CEP70: variants seen among roughly 807,000 people sequenced by gnomAD.
CEP70 encodes centrosomal protein of 70 kDa.
Under a neutral mutation model 90.9 loss-of-function variants are expected in CEP70, and 70 were observed. The observed-to-expected ratio is 0.77, with a 90% CI of 0.64 to 0.94. The LOEUF (loss-of-function observed/expected upper bound fraction) is 0.94. CEP70 is among the 40% of genes least tolerant of loss of function. The probability of loss-of-function intolerance (pLI) is 0.00; values close to 1 mark genes in which losing one functional copy is unlikely to be tolerated. For missense variants in CEP70, 648 were observed against 669.0 expected, an observed-to-expected ratio of 0.97 and a Z score of 0.35; for synonymous variants, 220 against 228.3, an observed-to-expected ratio of 0.96 and a Z score of 0.33.
At chr3:138,541,720 C>A (rs756218507) in intron 6 of CEP70, among the ~76,000 whole-genome samples, 11 of 152,140 alleles carry the variant, frequency 7.2e-5, no homozygotes, top group Non-Finnish European at 1.0e-4. Context: ...TACTAAAAGA[C>A]AAATCTACTT....
At chr3:138,550,049 A>C (rs886834510) in intron 6 of CEP70, among the ~76,000 whole-genome samples, 11 of 152,212 alleles carry the variant, frequency 7.2e-5, no homozygotes, top group Admixed American at 2.6e-4. Context: ...CCGTGGGACA[A>C]AAGAATCTGA....
At chr3:138,549,010 G>T (rs2039424662) in intron 6 of CEP70, among the ~76,000 whole-genome samples, 1 of 152,098 alleles carries the variant, frequency 6.6e-6, no homozygotes. Context: ...TTAGAGAGCT[G>T]AGCAAAATAA....
intron 6 of CEP70, among the ~76,000 whole-genome samples, chr3:138,540,432 C>A (rs961778965): frequency 1.3e-5 from 2 of 148,938 alleles, no homozygotes; most frequent in African/African-American, 2.5e-5. Context: ...TGCAGTGAGC[C>A]GAGACCACAC....
At chr3:138,570,547 G>A (rs772822197) in intron 5 of CEP70, 49 bp from the exon 6 acceptor site, 62 of 1,401,764 alleles carry the variant, frequency 4.4e-5, no homozygotes, top group Middle Eastern at 1.8e-4. Context: ...AAAATAAATC[G>A]AATTACCAAG....
intron 2 of CEP70, among the ~76,000 whole-genome samples, chr3:138,586,362 G>A (rs1254738880): frequency 6.6e-6 from 1 of 152,104 alleles, no homozygotes; most frequent in African/African-American, 2.4e-5. Flanking sequence ...ATATTAAAGA[G>A]ATATCTGCAC....
At chr3:138,530,602 C>G in intron 8 of CEP70, 1 of 985,408 alleles carries the variant, frequency 1.0e-6, no homozygotes, top group Non-Finnish European at 1.2e-6. Flanking sequence ...CATGTCCCAC[C>G]TGTCTTCTTC....
intron 6 of CEP70, among the ~76,000 whole-genome samples, chr3:138,549,184 C>T (rs757727431): frequency 1.3e-5 from 2 of 150,748 alleles, no homozygotes; most frequent in African/African-American, 4.9e-5. Flanking sequence ...CAACTCCAAC[C>T]GGACGTGAAG....
At chr3:138,531,003 G>GT (rs2037763159) in intron 8 of CEP70, 1 of 188,446 alleles carries the variant, frequency 5.3e-6, no homozygotes, top group African/African-American at 2.4e-5. Flanking sequence ...ATTTATTAAT[G>GT]TATCTCCTAT....
chr3:138,547,971 T>C (rs2039339567), intron 6 of CEP70, among the ~76,000 whole-genome samples: 1 of 152,148 alleles, frequency 6.6e-6, no homozygotes, highest in African/African-American at 2.4e-5. Context: ...AAACCATGGA[T>C]GAGGGGGAAC....
chr3:138,547,308 G>A (rs559372890), intron 6 of CEP70, among the ~76,000 whole-genome samples: 16 of 152,292 alleles, frequency 1.1e-4, no homozygotes, highest in East Asian at 7.7e-4. Flanking sequence ...CAGTGGATGC[G>A]CAAAACTTCA....
At chr3:138,541,351 AG>A (rs1425830834) in intron 6 of CEP70, among the ~76,000 whole-genome samples, 1 of 152,084 alleles carries the variant, frequency 6.6e-6, no homozygotes, top group African/African-American at 2.4e-5. Flanking sequence ...AATCCTCAGC[AG>A]AAAGCATATT....
At chr3:138,584,461 C>CAAAAA (rs35985463) in intron 2 of CEP70, among the ~76,000 whole-genome samples, 11 of 92,092 alleles carry the variant, frequency 1.2e-4, no homozygotes, top group East Asian at 3.0e-4. Flanking sequence ...AAAGACATAT[C>CAAAAA]AAAAAAAAAA....
At chr3:138,561,413 A>T (rs758915670) in intron 6 of CEP70, among the ~76,000 whole-genome samples, 3 of 152,180 alleles carry the variant, frequency 2.0e-5, no homozygotes, top group Admixed American at 6.5e-5. Context: ...GACAAAAGGT[A>T]GATAAATCTA....
At position 138,500,838 on chromosome 3, in the gene CEP70, G is replaced by A; in HGVS notation, c.1265C>T (p.Pro422Leu). 2 of 1,604,484 alleles carry A rather than the reference G, an allele frequency of 1.2e-6. No individual in the cohort carries two copies. Among genetic ancestry groups the A allele is most frequent in the Non-Finnish European group, 1.7e-6 (2 of 1,173,948 alleles). The change falls in exon 14 of 18, where the codon CCT (proline) becomes CTT (leucine). Residue 422 changes from proline to leucine, a missense_variant. Coordinates refer to ENST00000264982, the MANE Select transcript of CEP70 (RefSeq NM_024491.4). ...ATCCTGCTTCTTCAAATTAAGCCAAGGTACCAGTTCTGCAGATAGTGTTTT... is the reference window on the plus strand; with the variant it reads ...ATCCTGCTTCTTCAAATTAAGCCAAAGTACCAGTTCTGCAGATAGTGTTTT... The part of the protein sequence containing the change: ...SLKTLSAELV[P>L]WLNLKKQDEN...
intron 6 of CEP70, 134 bp downstream of exon 6, chr3:138,570,184 G>T: frequency 1.8e-6 from 1 of 553,774 alleles, no homozygotes; most frequent in East Asian, 3.4e-5. Context: ...ACCAAGTGAA[G>T]AGAATTTCAA....
intron 6 of CEP70, among the ~76,000 whole-genome samples, chr3:138,568,231 G>A (rs1403605968): frequency 2.6e-5 from 4 of 152,168 alleles, no homozygotes; most frequent in African/African-American, 9.7e-5. Context: ...CTAAAGGCAC[G>A]ATAAATCATT....
intron 8 of CEP70, among the ~76,000 whole-genome samples, chr3:138,532,169 G>A (rs1266360655): frequency 4.6e-5 from 7 of 152,232 alleles, no homozygotes; most frequent in Non-Finnish European, 7.4e-5. Flanking sequence ...TTGATAGGCA[G>A]CCAATCTAAT....
chr3:138,590,131 A>G (rs1260384608), intron 2 of CEP70, among the ~76,000 whole-genome samples: 1 of 152,204 alleles, frequency 6.6e-6, no homozygotes, highest in East Asian at 1.9e-4. Flanking sequence ...CCAAAAAAAA[A>G]AGGTTTAATG....
chr3:138,581,076 G>A (rs555465217), intron 2 of CEP70, among the ~76,000 whole-genome samples: 8 of 152,120 alleles, frequency 5.3e-5, no homozygotes. Flanking sequence ...CCTAAGGTCA[G>A]GAGTTCGAGA....
Sources: allele counts gnomAD v4.1 joint callset (sites outside exome capture counted in the v4.1 genomes callset), GRCh38; gene constraint gnomAD v4.1.1; transcripts MANE v1.5; gene names NCBI Gene and HGNC (gene_info 2026-07-23, HGNC 2026-07-21).